GLO1: variants seen among roughly 807,000 people sequenced by gnomAD.
GLO1 encodes the protein lactoylglutathione lyase.
In GLO1, 28 loss-of-function variants were observed where a neutral mutation model predicts 26.0. That is an observed-to-expected ratio of 1.08 (90% CI 0.80 to 1.48). The LOEUF (loss-of-function observed/expected upper bound fraction) is 1.48. Ranked by LOEUF, GLO1 falls within the 40% of genes most tolerant of loss-of-function variation. The probability of loss-of-function intolerance (pLI) is 0.00; values close to 1 mark genes in which losing one functional copy is unlikely to be tolerated. For missense variants in GLO1, 225 were observed against 224.8 expected (o/e 1.00, Z -0.01); for synonymous variants, 78 against 77.6 (o/e 1.00, Z -0.03).
chr6:38,681,089 A>G (rs1761366847), intron 5 of GLO1, among the ~76,000 whole-genome samples: 1 of 152,120 alleles, frequency 6.6e-6, no homozygotes, highest in African/African-American at 2.4e-5. Flanking sequence ...TTTGTGACGG[A>G]GTCTCACTCT....
At chr6:38,682,252 T>C in intron 4 of GLO1, 151 bp from the exon 5 acceptor site, 1 of 609,958 alleles carries the variant, frequency 1.6e-6, no homozygotes, top group Non-Finnish European at 2.9e-6. Flanking sequence ...CTATAATACA[T>C]TAAAGAACAA....
At position 38,677,194 on chromosome 6, in the gene GLO1, C is replaced by T. The variant is rs2293868; in HGVS notation, c.*101G>A. 515 of 733,650 alleles carry T rather than the reference C, an allele frequency of 7.0e-4. 2 individuals carry two copies. The East Asian group carries it at 0.011, about 16-fold the overall frequency. 45.4% of individuals were successfully genotyped at this position (733,650 alleles called of 1,614,324 possible). ...AAATGGACTGAAGAATAATTTGAAT[C>T]GGGACAGTGATCCATCAGTCCTAGA... is the stretch of plus-strand genomic sequence containing the variant. On this transcript the variant is annotated 3_prime_UTR_variant, in exon 6 of 6. Coordinates refer to ENST00000373365, the MANE Select transcript of GLO1 (RefSeq NM_006708.3).
chr6:38,678,350 GAGA>G (rs1761301835), intron 5 of GLO1, among the ~76,000 whole-genome samples: 1 of 151,548 alleles, frequency 6.6e-6, no homozygotes, highest in African/African-American at 2.4e-5. Flanking sequence ...AAGAGAGAAA[GAGA>G]GAAGGAAGGA....
At chr6:38,696,231 GTTGT>G (rs1761609718) in intron 1 of GLO1, among the ~76,000 whole-genome samples, 1 of 152,138 alleles carries the variant, frequency 6.6e-6, no homozygotes, top group Non-Finnish European at 1.5e-5. Flanking sequence ...TGATAAAAAC[GTTGT>G]TTGACTTTGT....
At chr6:38,687,313 C>G (rs527425595) in intron 1 of GLO1, among the ~76,000 whole-genome samples, 1 of 151,612 alleles carries the variant, frequency 6.6e-6, no homozygotes, top group Admixed American at 6.6e-5. Context: ...GTAATCCACT[C>G]GTATACACCT....
In GLO1 at chr6:38,676,331, A is replaced by G. The variant is rs912245903; in HGVS notation, c.*964T>C. 6 of 152,168 alleles carry G rather than the reference A, an allele frequency of 3.9e-5. No individual in the cohort carries two copies. In the South Asian group the frequency reaches 8.3e-4, roughly 21 times the overall value. 9.4% of individuals were successfully genotyped at this position (152,168 alleles called of 1,614,324 possible). On this transcript the variant is annotated 3_prime_UTR_variant, in exon 6 of 6. Transcript: ENST00000373365. ...AAGACTCTTTATGAGAAATATAAAC[A>G]TCACTTGTGTAGGAATCACCAGGTG...
In GLO1 at chr6:38,693,578, CTT is replaced by C. The variant is rs1761560326; in HGVS notation, c.85-6606_85-6605del. Reference sequence around the variant, plus strand: ...ACGTTATTAATTTGAGACTTTTCCTCTTTTATAATGTATGCAGTCAGTGCTAT... The same window carrying C: ...ACGTTATTAATTTGAGACTTTTCCTCTTATAATGTATGCAGTCAGTGCTAT... On this transcript the variant is annotated intron_variant, in intron 1 of 5. Transcript: ENST00000373365. 2.6e-5 allele frequency among the ~76,000 whole-genome samples: 4 copies of C among 151,648 alleles called. No homozygotes were observed. In the South Asian group the frequency reaches 6.2e-4, roughly 24 times the overall value.
intron 3 of GLO1, among the ~76,000 whole-genome samples, chr6:38,683,565 A>G (rs576948749): frequency 6.6e-6 from 1 of 152,310 alleles, no homozygotes; most frequent in Non-Finnish European, 1.5e-5. Context: ...ATATCTTACA[A>G]TTTCAGGGTC....
intron 1 of GLO1, among the ~76,000 whole-genome samples, chr6:38,693,118 A>G (rs750810784): frequency 1.6e-4 from 25 of 152,038 alleles, no homozygotes; most frequent in Non-Finnish European, 3.1e-4. Flanking sequence ...TTCTTCTTTT[A>G]CATTTGGCAG....
chr6:38,677,302 A>C lies in GLO1; in HGVS notation c.548T>G (p.Leu183Ter), dbSNP rs1761269404. ...AGGAGAATTCTCACAGCACTACATT[A>C]AGGTTGCCATTTTGTTAGGATTCAA... ...EILNPNKMAT[L>*]M Residue 183 changes from leucine (L) to a stop codon, truncating the protein, a stop_gained, in exon 6 of 6, where the codon TTA (leucine) becomes TGA (stop). Transcript: ENST00000373365. LOFTEE classifies it high-confidence loss of function. 2 of 1,414,996 alleles carry C rather than the reference A, an allele frequency of 1.4e-6. No individual in the cohort carries two copies. The highest frequency in any genetic ancestry group is 2.3e-5 in the South Asian group (2 of 87,088). The allele number at this position is 1,414,996 out of a possible 1,614,324, so 87.7% of individuals were successfully genotyped here.
At chr6:38,701,766 G>T (rs565416973) in intron 1 of GLO1, among the ~76,000 whole-genome samples, 1 of 152,194 alleles carries the variant, frequency 6.6e-6, no homozygotes, top group East Asian at 1.9e-4. Flanking sequence ...AACAAGCAGG[G>T]ACCAGAGTCA....
intron 1 of GLO1, among the ~76,000 whole-genome samples, chr6:38,697,913 T>C (rs1457670977): frequency 2.6e-5 from 4 of 152,302 alleles, no homozygotes; most frequent in South Asian, 4.1e-4. Flanking sequence ...GGAGTGATCT[T>C]TCCATAAAGA....
chr6:38,681,211 C>T (rs1761371981), intron 5 of GLO1, among the ~76,000 whole-genome samples: 1 of 152,016 alleles, frequency 6.6e-6, no homozygotes, highest in Admixed American at 6.5e-5. Flanking sequence ...TATAGGCGCC[C>T]ACCACCATGC....
intron 2 of GLO1, among the ~76,000 whole-genome samples, chr6:38,684,907 T>A (rs986135623): frequency 6.6e-6 from 1 of 152,238 alleles, no homozygotes; most frequent in African/African-American, 2.4e-5. Context: ...GTCATTCAGT[T>A]AAATAAACAC....
chr6:38,697,345 G>A (rs1404430086), intron 1 of GLO1, among the ~76,000 whole-genome samples: 1 of 152,234 alleles, frequency 6.6e-6, no homozygotes, highest in Non-Finnish European at 1.5e-5. Context: ...AGAAGTATCA[G>A]GTGTTCCTCT....
intron 5 of GLO1, among the ~76,000 whole-genome samples, chr6:38,680,164 A>G (rs536000832): frequency 5.3e-5 from 8 of 152,260 alleles, no homozygotes; most frequent in Non-Finnish European, 1.0e-4. Context: ...TTTCCATAAA[A>G]CTGTCCTTCA....
chr6:38,685,862 C>A (rs1367540635), intron 2 of GLO1, among the ~76,000 whole-genome samples: 1 of 152,162 alleles, frequency 6.6e-6, no homozygotes, highest in African/African-American at 2.4e-5. Context: ...TAGAGCCCAT[C>A]AGACAATGGA....
chr6:38,691,329 A>G (rs1451822801), intron 1 of GLO1, among the ~76,000 whole-genome samples: 1 of 151,406 alleles, frequency 6.6e-6, no homozygotes, highest in African/African-American at 2.4e-5. Flanking sequence ...TTTTTTTAAG[A>G]TGGAGTCTCG....
At chr6:38,701,928 AT>A (rs555631797) in intron 1 of GLO1, among the ~76,000 whole-genome samples, 3,702 of 137,150 alleles carry the variant, frequency 0.027, 142 homozygotes, top group African/African-American at 0.086. Flanking sequence ...CTGTGCCTGA[AT>A]TTTTTTTTTT....
Sources: allele counts gnomAD v4.1 joint callset (sites outside exome capture counted in the v4.1 genomes callset), GRCh38; gene constraint gnomAD v4.1.1; transcripts MANE v1.5; gene names NCBI Gene and HGNC (gene_info 2026-07-23, HGNC 2026-07-21).